The following ATP8B1 variants were observed in gnomAD, a reference collection of about 807,000 sequenced individuals.
The protein encoded by ATP8B1 is phospholipid-transporting ATPase IC.
Under a neutral mutation model 149.9 loss-of-function variants are expected in ATP8B1, and 80 were observed. The ratio of observed to expected loss-of-function variants is 0.53; its 90% confidence interval spans 0.45 to 0.64. ATP8B1 has a LOEUF of 0.64. ATP8B1 is among the 30% of genes least tolerant of loss of function. The pLI is 0.00. For missense variants in ATP8B1, 1,247 were observed against 1,552.6 expected (o/e 0.80, Z 3.31); for synonymous variants, 536 against 562.8 (o/e 0.95, Z 0.67).
chr18:57,671,009 T>A (rs1220781753), intron 17 of ATP8B1, among the ~76,000 whole-genome samples: 1 of 152,234 alleles, frequency 6.6e-6, no homozygotes, highest in Non-Finnish European at 1.5e-5. Context: ...AAATACTCAA[T>A]CAGTTGAACC....
intron 10 of ATP8B1, 26 bp downstream of exon 10, chr18:57,695,145 A>G: frequency 6.2e-7 from 1 of 1,610,368 alleles, no homozygotes; most frequent in Non-Finnish European, 8.5e-7. Context: ...ATAGCTGATT[A>G]ATTTCCCAAG....
chr18:57,763,376 G>A (rs2080175078), intron 1 of ATP8B1, among the ~76,000 whole-genome samples: 2 of 148,502 alleles, frequency 1.3e-5, no homozygotes, highest in Non-Finnish European at 3.0e-5. Context: ...TGGGCAAGAA[G>A]AGCGAAACCC....
chr18:57,688,200 G>A, intron 13 of ATP8B1, 99 bp downstream of exon 13: 1 of 1,315,484 alleles, frequency 7.6e-7, no homozygotes, highest in Non-Finnish European at 1.1e-6. Flanking sequence ...CATCGAGAGG[G>A]CACCAGCAAT....
chr18:57,708,303 C>T (rs562543355), intron 2 of ATP8B1, among the ~76,000 whole-genome samples: 2 of 151,816 alleles, frequency 1.3e-5, no homozygotes, highest in East Asian at 3.9e-4. Flanking sequence ...GTAATCATAA[C>T]AGTTGTGTTA....
chr18:57,692,143 A>G (rs950330314), intron 11 of ATP8B1, 146 bp from the exon 12 acceptor site: 13 of 1,300,282 alleles, frequency 1.0e-5, no homozygotes, highest in Middle Eastern at 2.6e-4. Flanking sequence ...TAAAAACAGC[A>G]CTATCATAAC....
rs561718118 is a variant in ATP8B1, at chr18:57,684,211, A to G, written c.1474-19T>C. The G allele has an allele frequency of 1.2e-6, 2 of 1,608,692 alleles. No individual in the cohort carries two copies. The highest frequency in any genetic ancestry group is 2.2e-5 in the East Asian group (1 of 44,804). On this transcript the variant is annotated intron_variant, in intron 14 of 27. Transcript: ENST00000648908. ...CAACTTGCTGAAAGAAATGGAGAAAAACAAAATATGATTTTATAAAATATT... is the reference window on the plus strand; with the variant it reads ...CAACTTGCTGAAAGAAATGGAGAAAGACAAAATATGATTTTATAAAATATT...
At chr18:57,741,770 T>A (rs903487688) in intron 1 of ATP8B1, among the ~76,000 whole-genome samples, 2 of 152,222 alleles carry the variant, frequency 1.3e-5, no homozygotes, top group South Asian at 4.1e-4. Flanking sequence ...TATTTCCAAG[T>A]TATTCCAAAG....
chr18:57,695,056 G>T lies in ATP8B1; in HGVS notation c.940+115C>A, dbSNP rs548471390. ...AAAAAAAAAAAAAAAAAAAAAAAAAGCTCATGATGCTATTACTCTTCTTTT... is the reference window on the plus strand; with the variant it reads ...AAAAAAAAAAAAAAAAAAAAAAAAATCTCATGATGCTATTACTCTTCTTTT... On this transcript the variant is annotated intron_variant, in intron 10 of 27. Transcript: ENST00000648908. 48 of 288,284 alleles carry T rather than the reference G, an allele frequency of 1.7e-4. No individual in the cohort carries two copies. The East Asian group carries it at 1.8e-3, about 11-fold the overall frequency. 17.9% of individuals were successfully genotyped at this position (288,284 alleles called of 1,614,324 possible).
intron 15 of ATP8B1, among the ~76,000 whole-genome samples, chr18:57,683,447 A>C (rs942642810): frequency 2.6e-5 from 4 of 152,240 alleles, no homozygotes; most frequent in Non-Finnish European, 5.9e-5. Flanking sequence ...AGCTGGCACA[A>C]ACTGCATCGA....
At chr18:57,695,097 A>G in intron 10 of ATP8B1, 74 bp downstream of exon 10, 1 of 1,472,642 alleles carries the variant, frequency 6.8e-7, no homozygotes, top group Non-Finnish European at 9.5e-7. Flanking sequence ...TGATGGACAA[A>G]GGACAGAAAA....
chr18:57,754,411 T>C (rs976679997), intron 1 of ATP8B1, among the ~76,000 whole-genome samples: 77 of 149,818 alleles, frequency 5.1e-4, no homozygotes, highest in African/African-American at 1.8e-3. Flanking sequence ...GCACTCCAGC[T>C]TGGGTGACAG....
intron 1 of ATP8B1, among the ~76,000 whole-genome samples, chr18:57,758,042 C>A (rs1036983940): frequency 2.0e-5 from 3 of 152,064 alleles, no homozygotes; most frequent in Non-Finnish European, 2.9e-5. Flanking sequence ...GGGGGTCTCA[C>A]CGTGTAGCTC....
chr18:57,779,802 A>G (rs1352158262), intron 1 of ATP8B1, among the ~76,000 whole-genome samples: 1 of 151,610 alleles, frequency 6.6e-6, no homozygotes, highest in Non-Finnish European at 1.5e-5. Context: ...TGGGAGGCTG[A>G]GGCAGAATTG....
chr18:57,655,679 T>C (rs1401109658), intron 22 of ATP8B1, among the ~76,000 whole-genome samples: 1 of 152,222 alleles, frequency 6.6e-6, no homozygotes. Flanking sequence ...GAATTCCATT[T>C]GGATTATCTG....
chr18:57,655,395 T>A lies in ATP8B1; in HGVS notation c.2730A>T (p.Ile910=). 2 of 1,614,228 alleles carry A rather than the reference T, an allele frequency of 1.2e-6. No homozygotes were observed. Residue 910 remains isoleucine, a synonymous_variant, in exon 23 of 28, where the codon ATA becomes ATT. Coordinates refer to ENST00000648908, the MANE Select transcript of ATP8B1 (RefSeq NM_001374385.1). ...MIKTAHIGVG[I]SGQEGMQAVM... is the part of the protein sequence containing the mutation. ...CAGCTTGCATTCCTTCTTGTCCACTTATTCCAACGCCAATGTGGGCAGCTA... is the reference window on the plus strand; with the variant it reads ...CAGCTTGCATTCCTTCTTGTCCACTAATTCCAACGCCAATGTGGGCAGCTA...
At chr18:57,681,783 A>G (rs1322416051) in intron 15 of ATP8B1, among the ~76,000 whole-genome samples, 1 of 152,060 alleles carries the variant, frequency 6.6e-6, no homozygotes, top group East Asian at 1.9e-4. Context: ...CCTGGGTGAC[A>G]AGAGCAAGAC....
intron 1 of ATP8B1, among the ~76,000 whole-genome samples, chr18:57,738,884 T>C (rs2123195177): frequency 6.6e-6 from 1 of 152,272 alleles, no homozygotes; most frequent in South Asian, 2.1e-4. Flanking sequence ...AAGTCATATG[T>C]TGAAGCCATA....
intron 2 of ATP8B1, among the ~76,000 whole-genome samples, chr18:57,719,073 G>A (rs1184811002): frequency 6.6e-6 from 1 of 152,214 alleles, no homozygotes; most frequent in African/African-American, 2.4e-5. Flanking sequence ...ATCCTTGTTT[G>A]CGGATGATAT....
At chr18:57,721,358 C>T (rs1325606291) in intron 2 of ATP8B1, among the ~76,000 whole-genome samples, 4 of 147,026 alleles carry the variant, frequency 2.7e-5, no homozygotes, top group East Asian at 4.1e-4. Flanking sequence ...ACCCATCTCA[C>T]GTGCAGAGAC....
Sources: allele counts gnomAD v4.1 joint callset (sites outside exome capture counted in the v4.1 genomes callset), GRCh38; gene constraint gnomAD v4.1.1; transcripts MANE v1.5; gene names NCBI Gene and HGNC (gene_info 2026-07-23, HGNC 2026-07-21).